SEM1: variants seen among roughly 807,000 people sequenced by gnomAD.
SEM1 encodes the protein 26S proteasome complex subunit SEM1.
SEM1 carries 3 observed loss-of-function variants against 12.7 expected under a neutral mutation model. That is an observed-to-expected ratio of 0.24 (90% CI 0.11 to 0.61). The LOEUF (loss-of-function observed/expected upper bound fraction) is 0.61. SEM1 is among the 20% of genes least tolerant of loss of function. SEM1 has a pLI of 0.88. For synonymous variants in SEM1, 30 were observed against 27.8 expected (o/e 1.08, Z -0.25); for missense variants, 59 against 81.3 (o/e 0.73, Z 1.06).
Position 96,673,481 on chromosome 7 carries a change from C to T in SEM1, c.*279G>A, listed in dbSNP as rs1584853166. 1.3e-5 allele frequency: 5 copies of T among 372,066 alleles called. No homozygotes were observed. The East Asian group carries it at 1.8e-4, about 13-fold the overall frequency. The allele number at this position is 372,066 out of a possible 1,614,324, so 23.0% of individuals were successfully genotyped here. On this transcript the variant is annotated 3_prime_UTR_variant, in exon 3 of 3. Transcript: ENST00000413065. ...TGACTGAAACAATAAATAGGGTCAC[C>T]CTTCAAGTAAGCCCCTGTTATGTAG...
intron 2 of SEM1, among the ~76,000 whole-genome samples, chr7:96,561,411 G>A (rs1362070192): frequency 1.3e-5 from 2 of 152,104 alleles, no homozygotes; most frequent in African/African-American, 2.4e-5. Flanking sequence ...TGGACATCCT[G>A]TCCCATCAGC....
chr7:96,494,183 T>G lies in SEM1; in HGVS notation c.12+2101A>C, dbSNP rs192731530. On this transcript the variant is annotated intron_variant, in intron 1 of 3. Coordinates refer to the SEM1 transcript ENST00000356686. ...TTCAGCTTAAATAGTTCCTTATGCATCTTTTGCATTGTGGTGTACAAACTC... is the reference window on the plus strand; with the variant it reads ...TTCAGCTTAAATAGTTCCTTATGCAGCTTTTGCATTGTGGTGTACAAACTC... Among the ~76,000 whole-genome samples, 604 of 152,292 alleles carry G rather than the reference T, an allele frequency of 4.0e-3. 2 individuals carry two copies. Among genetic ancestry groups the G allele is most frequent in the Middle Eastern group, 0.01 (3 of 294 alleles).
intron 2 of SEM1, among the ~76,000 whole-genome samples, chr7:96,631,360 TC>T (rs1390833234): frequency 6.6e-6 from 1 of 152,066 alleles, no homozygotes; most frequent in Non-Finnish European, 1.5e-5. Flanking sequence ...TGGGTGAGCA[TC>T]AGTTAAGTTT....
intron 2 of SEM1, among the ~76,000 whole-genome samples, chr7:96,544,416 A>T (rs1260164306): frequency 6.6e-6 from 1 of 152,056 alleles, no homozygotes; most frequent in Admixed American, 6.6e-5. Flanking sequence ...TAATATAATT[A>T]TAAAGCGCTA....
intron 1 of SEM1, among the ~76,000 whole-genome samples, chr7:96,706,570 C>CAAAAAAAAAAAAAAAAA (rs67892273): frequency 1.3e-5 from 1 of 78,074 alleles, no homozygotes; most frequent in African/African-American, 5.1e-5. Flanking sequence ...CTCAAACAAA[C>CAAAAAAAAAAAAAAAAA]AAAAAAAAAA....
At chr7:96,595,758 A>G (rs1806977390) in intron 2 of SEM1, among the ~76,000 whole-genome samples, 1 of 152,042 alleles carries the variant, frequency 6.6e-6, no homozygotes, top group African/African-American at 2.4e-5. Context: ...TATATTCATA[A>G]GTGTTCTATT....
intron 1 of SEM1, among the ~76,000 whole-genome samples, chr7:96,700,399 C>T (rs989617511): frequency 2.6e-5 from 4 of 152,154 alleles, no homozygotes; most frequent in African/African-American, 4.8e-5. Context: ...TCGGTATACT[C>T]GGGGTACTTG....
At chr7:96,638,333 T>C (rs1485611429) in intron 2 of SEM1, among the ~76,000 whole-genome samples, 1 of 152,030 alleles carries the variant, frequency 6.6e-6, no homozygotes, top group Non-Finnish European at 1.5e-5. Context: ...TAATCTCTTA[T>C]TGTTGGAGAA....
chr7:96,537,304 G>T (rs532750350), intron 2 of SEM1, among the ~76,000 whole-genome samples: 144 of 151,446 alleles, frequency 9.5e-4, no homozygotes, highest in African/African-American at 3.5e-3. Flanking sequence ...ACTTTTTTTA[G>T]ATCAATTACA....
At chr7:96,516,333 A>G (rs1202038578) in intron 2 of SEM1, among the ~76,000 whole-genome samples, 3 of 152,180 alleles carry the variant, frequency 2.0e-5, no homozygotes, top group Non-Finnish European at 4.4e-5. Context: ...TTCAAGAGAT[A>G]CGTCTGATAA....
At chr7:96,699,766 T>C (rs1416607777) in intron 1 of SEM1, among the ~76,000 whole-genome samples, 1 of 152,200 alleles carries the variant, frequency 6.6e-6, no homozygotes, top group Non-Finnish European at 1.5e-5. Context: ...CCAAATTACA[T>C]CTTACTCAGA....
At chr7:96,567,727 C>T (rs1436712509) in intron 2 of SEM1, among the ~76,000 whole-genome samples, 1 of 151,518 alleles carries the variant, frequency 6.6e-6, no homozygotes, top group Non-Finnish European at 1.5e-5. Flanking sequence ...TAAATACCTT[C>T]ATACCCTTTC....
chr7:96,624,813 G>C (rs1352230726), intron 2 of SEM1, among the ~76,000 whole-genome samples: 1 of 152,120 alleles, frequency 6.6e-6, no homozygotes, highest in Admixed American at 6.6e-5. Flanking sequence ...CATGAGCACA[G>C]GACAAACCTG....
intron 2 of SEM1, among the ~76,000 whole-genome samples, chr7:96,634,237 G>A (rs1482088610): frequency 3.3e-5 from 5 of 152,120 alleles, no homozygotes; most frequent in Non-Finnish European, 7.4e-5. Flanking sequence ...ATGAGTGTAA[G>A]AAGGGAGAAC....
chr7:96,559,701 T>C lies in SEM1; in HGVS notation c.171-53003A>G, dbSNP rs561833269. On this transcript the variant is annotated intron_variant and NMD_transcript_variant, in intron 2 of 3. Coordinates refer to the SEM1 transcript ENST00000466986. Reference sequence around the variant, plus strand: ...TACATGTTGTAGAGAGTACTAGAGCTCACCCATATCTTGTTATCTTCTTCC... The same window carrying C: ...TACATGTTGTAGAGAGTACTAGAGCCCACCCATATCTTGTTATCTTCTTCC... Among the ~76,000 whole-genome samples the C allele has an allele frequency of 8.0e-4, 122 of 152,352 alleles. 1 individual carries two copies. Among genetic ancestry groups the C allele is most frequent in the Middle Eastern group, 3.4e-3 (1 of 294 alleles).
chr7:96,537,175 T>A (rs1804811112), intron 2 of SEM1, among the ~76,000 whole-genome samples: 1 of 151,794 alleles, frequency 6.6e-6, no homozygotes, highest in South Asian at 2.1e-4. Flanking sequence ...TTAGTATAGG[T>A]GTCTCATAAA....
intron 2 of SEM1, among the ~76,000 whole-genome samples, chr7:96,549,698 G>A (rs1383753657): frequency 6.6e-6 from 1 of 152,074 alleles, no homozygotes; most frequent in Non-Finnish European, 1.5e-5. Context: ...AGAGCCACAT[G>A]GGTTATTGCC....
At chr7:96,581,598 C>T (rs1806410706) in intron 2 of SEM1, among the ~76,000 whole-genome samples, 1 of 152,302 alleles carries the variant, frequency 6.6e-6, no homozygotes, top group South Asian at 2.1e-4. Flanking sequence ...TCTTCCTACC[C>T]ATGAGCATGG....
At chr7:96,556,450 A>T (rs1805504007) in intron 2 of SEM1, among the ~76,000 whole-genome samples, 1 of 151,978 alleles carries the variant, frequency 6.6e-6, no homozygotes, top group Admixed American at 6.6e-5. Context: ...TCGCTTATGA[A>T]GCTTAGTTTG....
Sources: allele counts gnomAD v4.1 joint callset (sites outside exome capture counted in the v4.1 genomes callset), GRCh38; gene constraint gnomAD v4.1.1; transcripts MANE v1.5; gene names NCBI Gene and HGNC (gene_info 2026-07-23, HGNC 2026-07-21).